SLC4A4: variants seen among roughly 807,000 people sequenced by gnomAD.
SLC4A4 encodes electrogenic sodium bicarbonate cotransporter 1.
SLC4A4 carries 27 observed loss-of-function variants against 111.5 expected under a neutral mutation model. The observed-to-expected ratio is 0.24, with a 90% confidence interval of 0.18 to 0.33. The LOEUF (loss-of-function observed/expected upper bound fraction) is 0.33, where lower values mean the gene tolerates loss of function less well. SLC4A4 is among the 10% of genes least tolerant of loss of function. The pLI is 1.00. For synonymous variants in SLC4A4, 443 were observed against 463.4 expected, an observed-to-expected ratio of 0.96 and a Z score of 0.57; for missense variants, 909 against 1,315.5, an observed-to-expected ratio of 0.69 and a Z score of 4.78.
At chr4:71,282,456 TG>T (rs1723598424) in intron 3 of SLC4A4, among the ~76,000 whole-genome samples, 1 of 152,004 alleles carries the variant, frequency 6.6e-6, no homozygotes, top group African/African-American at 2.4e-5. Flanking sequence ...CGGCTAATTT[TG>T]TATTTTTAGT....
chr4:71,384,412 A>G (rs999914384), intron 6 of SLC4A4, among the ~76,000 whole-genome samples: 1 of 152,126 alleles, frequency 6.6e-6, no homozygotes. Flanking sequence ...TGGGTGTCCT[A>G]TAGTCATTGA....
At chr4:71,139,179 T>TTGTGTGTG (rs57359640) in intron 2 of SLC4A4, among the ~76,000 whole-genome samples, 4,149 of 144,462 alleles carry the variant, frequency 0.029, 83 homozygotes, top group East Asian at 0.075. Flanking sequence ...TCCCTTTTCT[T>TTGTGTGTG]TGTGTGTGTG....
chr4:71,141,072 G>A (rs1002731303), intron 2 of SLC4A4, among the ~76,000 whole-genome samples: 7 of 151,888 alleles, frequency 4.6e-5, no homozygotes, highest in Admixed American at 2.0e-4. Flanking sequence ...TATTAACTAC[G>A]TTCATCATAC....
chr4:71,388,829 G>A (rs971216687), intron 6 of SLC4A4, among the ~76,000 whole-genome samples: 7 of 152,102 alleles, frequency 4.6e-5, no homozygotes, highest in African/African-American at 1.7e-4. Flanking sequence ...GGGATTACAG[G>A]CATGAGCCAC....
At position 71,467,953 on chromosome 4, in the gene SLC4A4, T is replaced by A. The variant is rs138722818; in HGVS notation, c.1631+1376T>A. ...GAACTGTCATTACCTTCATAGTACA[T>A]CATGGACTTATGGACTCATATATAG... On this transcript the variant is annotated intron_variant, in intron 13 of 25. Coordinates refer to ENST00000264485, the MANE Select transcript of SLC4A4 (RefSeq NM_001098484.3). 1.6e-4 allele frequency among the ~76,000 whole-genome samples: 24 copies of A among 152,190 alleles called. 1 individual carries two copies. Among genetic ancestry groups the A allele is most frequent in the African/African-American group, 5.5e-4 (23 of 41,552 alleles).
At chr4:71,311,006 A>C (rs1429982978) in intron 3 of SLC4A4, among the ~76,000 whole-genome samples, 4 of 152,298 alleles carry the variant, frequency 2.6e-5, no homozygotes, top group Admixed American at 6.5e-5. Context: ...AATGGAAAGC[A>C]AAAAACAAAC....
intron 3 of SLC4A4, among the ~76,000 whole-genome samples, chr4:71,283,865 G>C (rs1201710239): frequency 2.0e-5 from 3 of 152,172 alleles, no homozygotes; most frequent in Non-Finnish European, 4.4e-5. Context: ...AGTGCTTGAT[G>C]AGCTTTTTAT....
Position 71,176,325 on chromosome 4 carries a change from C to T in SLC4A4, c.-1-60251C>T, listed in dbSNP as rs58582748. ...TCACTAGCAATGGAACAAAGCTGGACGGAGAATGACTTTGACGAGTTGAGA... is the reference window on the plus strand; with the variant it reads ...TCACTAGCAATGGAACAAAGCTGGATGGAGAATGACTTTGACGAGTTGAGA... On this transcript the variant is annotated intron_variant, in intron 2 of 26. Transcript: ENST00000649996. Among the ~76,000 whole-genome samples, 983 of 152,202 alleles carry T rather than the reference C, an allele frequency of 6.5e-3. 8 individuals are homozygous for T. The highest frequency in any genetic ancestry group is 0.022 in the African/African-American group (926 of 41,498).
chr4:71,185,042 C>G (rs527827459), upstream of SLC4A4, among the ~76,000 whole-genome samples: 1 of 152,318 alleles, frequency 6.6e-6, no homozygotes, highest in East Asian at 1.9e-4. Context: ...CAACTTTATG[C>G]TCCTTTTAGG....
chr4:71,345,106 A>C (rs899419524), intron 4 of SLC4A4, among the ~76,000 whole-genome samples: 6 of 152,138 alleles, frequency 3.9e-5, no homozygotes, highest in African/African-American at 1.4e-4. Context: ...TGGTTCTTCC[A>C]AAATAGAGCA....
chr4:71,334,935 G>A (rs1394801153), intron 3 of SLC4A4, among the ~76,000 whole-genome samples: 1 of 152,144 alleles, frequency 6.6e-6, no homozygotes, highest in Non-Finnish European at 1.5e-5. Context: ...TAGAGGTGGG[G>A]ACAAACCTAC....
At chr4:71,352,791 TG>T (rs1202392658) in intron 5 of SLC4A4, among the ~76,000 whole-genome samples, 3 of 152,174 alleles carry the variant, frequency 2.0e-5, no homozygotes, top group African/African-American at 7.2e-5. Context: ...TGTAGAGAAA[TG>T]AGTCAGATAG....
chr4:71,149,599 T>A (rs1174728497), intron 2 of SLC4A4, among the ~76,000 whole-genome samples: 1 of 152,194 alleles, frequency 6.6e-6, no homozygotes, highest in African/African-American at 2.4e-5. Flanking sequence ...ACTTTATTTC[T>A]CATCATTTAT....
chr4:71,360,982 G>T (rs985388898), intron 6 of SLC4A4, among the ~76,000 whole-genome samples: 1 of 152,084 alleles, frequency 6.6e-6, no homozygotes, highest in African/African-American at 2.4e-5. Flanking sequence ...GGTAGTACAG[G>T]CTTCCTGCCT....
At chr4:71,443,112 C>CTATATATA (rs1378888099) in intron 8 of SLC4A4, among the ~76,000 whole-genome samples, 5 of 97,674 alleles carry the variant, frequency 5.1e-5, no homozygotes, top group Non-Finnish European at 5.8e-5. Context: ...CTCTCTCTCT[C>CTATATATA]TCTCTATATA....
At chr4:71,189,711 TA>T (rs2148993686) in intron 1 of SLC4A4, among the ~76,000 whole-genome samples, 1 of 152,340 alleles carries the variant, frequency 6.6e-6, no homozygotes, top group Admixed American at 6.5e-5. Flanking sequence ...GTAGACCTCA[TA>T]TGAGGACTGC....
At chr4:71,083,714 C>G (rs567396576) in intron 1 of SLC4A4, among the ~76,000 whole-genome samples, 2 of 151,898 alleles carry the variant, frequency 1.3e-5, no homozygotes, top group South Asian at 4.2e-4. Flanking sequence ...GTAAGACAAT[C>G]CATGCTTGAA....
chr4:71,497,424 A>G, intron 15 of SLC4A4, 77 bp from the exon 16 acceptor site: 1 of 1,193,162 alleles, frequency 8.4e-7, no homozygotes, highest in South Asian at 1.3e-5. Context: ...TATAATTCCT[A>G]TAGCTCATCA....
At chr4:71,459,372 C>T (rs1321466181) in intron 12 of SLC4A4, among the ~76,000 whole-genome samples, 2 of 151,848 alleles carry the variant, frequency 1.3e-5, no homozygotes, top group Admixed American at 6.6e-5. Context: ...TGCCCTTAAA[C>T]CCATCAACCA....
Sources: gnomAD v4.1 joint callset for allele counts (sites outside exome capture counted in the v4.1 genomes callset) on GRCh38, gnomAD v4.1.1 for gene constraint, MANE v1.5 for transcripts, NCBI Gene and HGNC (gene_info 2026-07-23, HGNC 2026-07-21) for gene names.